The following DCDC1 variants were observed in gnomAD, a reference collection of about 807,000 sequenced individuals.
DCDC1 encodes doublecortin domain-containing protein 1.
Under a neutral mutation model 178.3 loss-of-function variants are expected in DCDC1, and 200 were observed. The ratio of observed to expected loss-of-function variants is 1.12; its 90% CI spans 1.00 to 1.26. The LOEUF is 1.26. Among genes scored for constraint, DCDC1 ranks in the 50% most tolerant of loss-of-function variants. The pLI, the probability that DCDC1 is intolerant of heterozygous loss-of-function variation, is 0.00. For missense variants in DCDC1, 1,983 were observed against 1,749.2 expected (o/e 1.13, Z -2.38); for synonymous variants, 690 against 604.8 (o/e 1.14, Z -2.07).
At chr11:31,018,951 T>A (rs886246643) in intron 20 of DCDC1, among the ~76,000 whole-genome samples, 1 of 151,948 alleles carries the variant, frequency 6.6e-6, no homozygotes, top group Non-Finnish European at 1.5e-5. Context: ...GGGGACTCAA[T>A]TGTTCAGTAT....
intron 10 of DCDC1, among the ~76,000 whole-genome samples, chr11:31,134,883 C>A (rs995364843): frequency 2.0e-5 from 3 of 152,116 alleles, no homozygotes; most frequent in Non-Finnish European, 2.9e-5. Flanking sequence ...AAAGTCCCAG[C>A]TACTCAGGAG....
intron 21 of DCDC1, among the ~76,000 whole-genome samples, chr11:30,934,428 G>A (rs1947134179): frequency 6.6e-6 from 1 of 152,136 alleles, no homozygotes; most frequent in Non-Finnish European, 1.5e-5. Context: ...AATATCACCA[G>A]CTTGGGGTAT....
Position 30,906,688 on chromosome 11 carries a change from G to A in DCDC1, c.3956C>T (p.Thr1319Ile), listed in dbSNP as rs1397342734. The change falls in exon 30 of 39, where the codon ACT becomes ATT. Residue 1319 changes from threonine to isoleucine, a missense_variant. Thr to Ile is a moderately conservative substitution (Grantham distance 89, BLOSUM62 -1). Transcript: ENST00000684477. Reference protein sequence around the residue: ...CYLSPDGKRKTMLCLACGQSM... With the variant: ...CYLSPDGKRKIMLCLACGQSM... ...TTGTCCACAAGCCAAGCAGAGCATA[G>A]TTTTTCTCTTTCCATCAGGTGAGAG... is the stretch of plus-strand genomic sequence containing the variant. 5 of 1,613,572 alleles carry A rather than the reference G, an allele frequency of 3.1e-6. No homozygotes were observed. The highest frequency in any genetic ancestry group is 4.2e-6 in the Non-Finnish European group (5 of 1,179,652).
chr11:30,953,227 G>A (rs192011765), intron 20 of DCDC1, among the ~76,000 whole-genome samples: 374 of 148,362 alleles, frequency 2.5e-3, no homozygotes, highest in Non-Finnish European at 4.2e-3. Context: ...TTAAAATTTC[G>A]ACCACATATT....
At chr11:30,888,052 AAGAAAGAAAG>A (rs1326900550) in intron 36 of DCDC1, among the ~76,000 whole-genome samples, 46 of 85,996 alleles carry the variant, frequency 5.3e-4, no homozygotes, top group African/African-American at 1.9e-3. Flanking sequence ...GAAAGAAAGA[AAGAAAGAAAG>A]AGAGAGAGAG....
intron 9 of DCDC1, among the ~76,000 whole-genome samples, chr11:31,148,856 T>G: frequency 6.6e-6 from 1 of 152,180 alleles, no homozygotes; most frequent in Admixed American, 6.5e-5. Context: ...CCAAGCAGTA[T>G]ACACTGTGCC....
intron 6 of DCDC1, among the ~76,000 whole-genome samples, chr11:31,296,640 G>C (rs867978864): frequency 2.2e-4 from 33 of 152,258 alleles, no homozygotes; most frequent in Middle Eastern, 3.4e-3. Flanking sequence ...ACATAGCCAA[G>C]ACTGGGTAAT....
chr11:31,068,421 G>T (rs537864226), intron 18 of DCDC1, among the ~76,000 whole-genome samples: 2 of 152,232 alleles, frequency 1.3e-5, no homozygotes, highest in African/African-American at 4.8e-5. Context: ...GTCCATTGCA[G>T]CATTGCTCAT....
At chr11:31,091,829 A>G (rs746496835) in intron 16 of DCDC1, among the ~76,000 whole-genome samples, 16 of 152,180 alleles carry the variant, frequency 1.1e-4, no homozygotes, top group Non-Finnish European at 1.6e-4. Flanking sequence ...TGCTGTAGTT[A>G]TAACTACAGA....
At chr11:31,107,856 C>T (rs1472558077) in intron 12 of DCDC1, among the ~76,000 whole-genome samples, 1 of 152,174 alleles carries the variant, frequency 6.6e-6, no homozygotes, top group South Asian at 2.1e-4. Flanking sequence ...TCTCCCTTGT[C>T]AGTTCTTGTG....
chr11:30,990,780 T>C (rs1027297551), intron 20 of DCDC1, among the ~76,000 whole-genome samples: 2 of 152,212 alleles, frequency 1.3e-5, no homozygotes, highest in Non-Finnish European at 2.9e-5. Context: ...GGAATTGTAG[T>C]TAAAGTTATT....
At chr11:30,897,054 T>C (rs1944281820) in intron 34 of DCDC1, among the ~76,000 whole-genome samples, 1 of 152,210 alleles carries the variant, frequency 6.6e-6, no homozygotes, top group Non-Finnish European at 1.5e-5. Flanking sequence ...TTGTTCTTAT[T>C]TATCCTCATA....
chr11:31,017,472 A>G (rs1307755127), intron 20 of DCDC1, among the ~76,000 whole-genome samples: 1 of 152,292 alleles, frequency 6.6e-6, no homozygotes, highest in East Asian at 1.9e-4. Context: ...TTATGTGTTA[A>G]TCAACCCTGT....
At chr11:30,909,413 A>G (rs759309307) in intron 28 of DCDC1, among the ~76,000 whole-genome samples, 5 of 152,102 alleles carry the variant, frequency 3.3e-5, no homozygotes, top group Non-Finnish European at 5.9e-5. Context: ...AATATATACC[A>G]TTTCATTTTA....
chr11:31,086,644 TCTC>T (rs1438336687), intron 17 of DCDC1, among the ~76,000 whole-genome samples: 1 of 152,200 alleles, frequency 6.6e-6, no homozygotes, highest in African/African-American at 2.4e-5. Context: ...ACAAATAGTT[TCTC>T]CTATGTTTTT....
intron 9 of DCDC1, among the ~76,000 whole-genome samples, chr11:31,204,006 T>C (rs747740358): frequency 6.6e-6 from 1 of 152,234 alleles, no homozygotes; most frequent in Non-Finnish European, 1.5e-5. Context: ...ATAACATTAA[T>C]AAGCAACTGG....
intron 3 of DCDC1, 47 bp from the exon 4 acceptor site, chr11:31,307,955 C>A: frequency 6.2e-7 from 1 of 1,600,488 alleles, no homozygotes; most frequent in Middle Eastern, 1.7e-4. Flanking sequence ...GATTTGTAAT[C>A]ATTTATTAAC....
intron 7 of DCDC1, among the ~76,000 whole-genome samples, chr11:31,268,920 T>G (rs1362062501): frequency 6.6e-6 from 1 of 152,210 alleles, no homozygotes; most frequent in Non-Finnish European, 1.5e-5. Context: ...TCTGACTGGT[T>G]ACAACACTTT....
At chr11:31,179,884 C>A (rs1208444348) in intron 9 of DCDC1, among the ~76,000 whole-genome samples, 1 of 152,132 alleles carries the variant, frequency 6.6e-6, no homozygotes, top group African/African-American at 2.4e-5. Context: ...TGCAAAAATT[C>A]TCAACAAGAT....
Sources: gnomAD v4.1 joint callset for allele counts (sites outside exome capture counted in the v4.1 genomes callset) on GRCh38, gnomAD v4.1.1 for gene constraint, MANE v1.5 for transcripts, NCBI Gene and HGNC (gene_info 2026-07-23, HGNC 2026-07-21) for gene names.